The following NRXN1 variants were observed in gnomAD, a reference collection of about 807,000 sequenced individuals.
NRXN1 encodes neurexin 1, also known as neurexin-1.
Under a neutral mutation model 150.9 loss-of-function variants are expected in NRXN1, and 39 were observed. That is an observed-to-expected ratio of 0.26 (90% CI 0.20 to 0.34). The LOEUF is 0.34. Ranked by LOEUF, NRXN1 falls within the 10% of genes least tolerant of loss-of-function variation. NRXN1 has a pLI of 1.00. For missense variants in NRXN1, 1,815 were observed against 1,949.9 expected, an observed-to-expected ratio of 0.93 and a Z score of 1.30; for synonymous variants, 924 against 757.0, an observed-to-expected ratio of 1.22 and a Z score of -3.62.
intron 5 of NRXN1, among the ~76,000 whole-genome samples, chr2:50,795,937 G>C (rs750158233): frequency 3.3e-4 from 50 of 151,992 alleles, no homozygotes; most frequent in South Asian, 6.2e-4. Context: ...TGAGTCAGGG[G>C]CTGCAAAGCA....
At chr2:50,507,434 G>C (rs1418646313) in intron 12 of NRXN1, among the ~76,000 whole-genome samples, 1 of 152,000 alleles carries the variant, frequency 6.6e-6, no homozygotes, top group Non-Finnish European at 1.5e-5. Context: ...AGGAAAAGTA[G>C]TGATATTAAA....
At chr2:50,319,536 C>T (rs147581967) in intron 17 of NRXN1, among the ~76,000 whole-genome samples, 1,878 of 152,136 alleles carry the variant, frequency 0.012, 39 homozygotes, top group African/African-American at 0.043. Flanking sequence ...CACTTTTTTC[C>T]TTTCTGAACT....
At chr2:50,278,311 T>C (rs1180940862) in intron 17 of NRXN1, among the ~76,000 whole-genome samples, 1 of 124,162 alleles carries the variant, frequency 8.1e-6, no homozygotes, top group African/African-American at 3.4e-5. Flanking sequence ...ATATTTTATA[T>C]ATATATTATA....
intron 2 of NRXN1, among the ~76,000 whole-genome samples, chr2:50,943,281 C>T (rs190013250): frequency 5.5e-4 from 83 of 152,220 alleles, no homozygotes; most frequent in Non-Finnish European, 8.1e-4. Flanking sequence ...AACTAATACG[C>T]GGACTTCACA....
chr2:50,260,211 A>T (rs960412565), intron 17 of NRXN1, among the ~76,000 whole-genome samples: 1 of 151,416 alleles, frequency 6.6e-6, no homozygotes, highest in African/African-American at 2.4e-5. Context: ...GGTAGCCCAT[A>T]TGATGCCTTT....
intron 5 of NRXN1, among the ~76,000 whole-genome samples, chr2:50,804,162 CA>C (rs921355808): frequency 3.9e-5 from 6 of 152,032 alleles, no homozygotes; most frequent in Non-Finnish European, 8.8e-5. Context: ...ACATGATTAC[CA>C]ATTATAAAAA....
At chr2:50,797,003 G>A (rs1706931777) in intron 5 of NRXN1, among the ~76,000 whole-genome samples, 1 of 152,142 alleles carries the variant, frequency 6.6e-6, no homozygotes, top group Non-Finnish European at 1.5e-5. Context: ...TCACATGGCA[G>A]AAGGGCAAGA....
intron 5 of NRXN1, among the ~76,000 whole-genome samples, chr2:50,779,798 CAAAATAAAAT>C (rs528404794): frequency 8.0e-5 from 12 of 150,198 alleles, no homozygotes; most frequent in East Asian, 1.9e-4. Flanking sequence ...TAAAACAAAA[CAAAATAAAAT>C]AAAATAAAAT....
intron 17 of NRXN1, among the ~76,000 whole-genome samples, chr2:50,369,669 C>T (rs776064779): frequency 4.6e-5 from 7 of 152,004 alleles, no homozygotes; most frequent in Non-Finnish European, 8.8e-5. Flanking sequence ...GAAACACCTA[C>T]ATATCTGAAG....
intron 19 of NRXN1, among the ~76,000 whole-genome samples, chr2:50,056,755 G>T (rs1454536361): frequency 2.0e-5 from 3 of 152,032 alleles, no homozygotes; most frequent in African/African-American, 7.2e-5. Context: ...TGGCTTATAA[G>T]TGATTTTATA....
At chr2:50,167,911 T>G (rs554635434) in intron 18 of NRXN1, among the ~76,000 whole-genome samples, 1 of 152,226 alleles carries the variant, frequency 6.6e-6, no homozygotes, top group Non-Finnish European at 1.5e-5. Context: ...GTTCAGTTTA[T>G]TTCTCCACTA....
intron 18 of NRXN1, among the ~76,000 whole-genome samples, chr2:50,115,240 T>TATATACAC (rs1270800103): frequency 1.6e-4 from 22 of 133,984 alleles, no homozygotes; most frequent in Non-Finnish European, 2.5e-4. Context: ...TATATATATA[T>TATATACAC]ACACACACAC....
At chr2:50,258,806 G>A (rs548443998) in intron 17 of NRXN1, among the ~76,000 whole-genome samples, 2 of 152,120 alleles carry the variant, frequency 1.3e-5, no homozygotes, top group East Asian at 3.9e-4. Flanking sequence ...AAATAGAAGT[G>A]TTATCAAGGA....
chr2:50,711,142 A>G (rs1199919388), intron 5 of NRXN1, among the ~76,000 whole-genome samples: 2 of 152,064 alleles, frequency 1.3e-5, no homozygotes, highest in Non-Finnish European at 2.9e-5. Context: ...CGTAGCAAAC[A>G]CTAGTCTCTA....
intron 17 of NRXN1, among the ~76,000 whole-genome samples, chr2:50,242,735 A>G (rs1423490379): frequency 6.6e-6 from 1 of 151,768 alleles, no homozygotes; most frequent in African/African-American, 2.4e-5. Context: ...AAAAGAAAAT[A>G]TGGACTATAT....
At chr2:50,934,716 T>G (rs1448436121) in intron 2 of NRXN1, among the ~76,000 whole-genome samples, 1 of 152,184 alleles carries the variant, frequency 6.6e-6, no homozygotes, top group Non-Finnish European at 1.5e-5. Context: ...AGGAAATAAT[T>G]AAAATGCATG....
At chr2:50,103,982 C>G (rs945121335) in intron 18 of NRXN1, among the ~76,000 whole-genome samples, 1 of 151,934 alleles carries the variant, frequency 6.6e-6, no homozygotes, top group African/African-American at 2.4e-5. Context: ...TTCCTTCTGC[C>G]TGGTTAGCTG....
chr2:50,120,247 C>G (rs1703678754), intron 18 of NRXN1, among the ~76,000 whole-genome samples: 1 of 150,882 alleles, frequency 6.6e-6, no homozygotes, highest in South Asian at 2.1e-4. Flanking sequence ...AAAAATGGTA[C>G]TATATACACC....
chr2:50,737,334 C>G (rs1698890761), intron 5 of NRXN1, among the ~76,000 whole-genome samples: 1 of 152,050 alleles, frequency 6.6e-6, no homozygotes, highest in Non-Finnish European at 1.5e-5. Flanking sequence ...ACATAATGCC[C>G]CAAGACCAAT....
Sources: gnomAD v4.1 joint callset for allele counts (sites outside exome capture counted in the v4.1 genomes callset) on GRCh38, gnomAD v4.1.1 for gene constraint, MANE v1.5 for transcripts, NCBI Gene and HGNC (gene_info 2026-07-23, HGNC 2026-07-21) for gene names.